KIF1B: variants seen among roughly 807,000 people sequenced by gnomAD.
KIF1B encodes kinesin family member 1B.
KIF1B carries 76 observed loss-of-function variants against 241.9 expected under a neutral mutation model. The observed-to-expected ratio is 0.31, with a 90% confidence interval of 0.26 to 0.38. KIF1B has a LOEUF of 0.38. Among genes scored for constraint, KIF1B ranks in the 10% least tolerant of loss-of-function variants. KIF1B has a pLI of 1.00. For missense variants in KIF1B, 1,622 were observed against 2,271.4 expected, an observed-to-expected ratio of 0.71 and a Z score of 5.81; for synonymous variants, 750 against 796.7, an observed-to-expected ratio of 0.94 and a Z score of 0.99.
At chr1:10,320,362 A>G (rs1651472237) in intron 23 of KIF1B, among the ~76,000 whole-genome samples, 1 of 152,042 alleles carries the variant, frequency 6.6e-6, no homozygotes, top group African/African-American at 2.4e-5. Flanking sequence ...AGACCTTCGC[A>G]CGGTTTCTGA....
intron 45 of KIF1B, among the ~76,000 whole-genome samples, chr1:10,371,854 A>G (rs1638741684): frequency 1.3e-5 from 2 of 151,960 alleles, no homozygotes; most frequent in Non-Finnish European, 2.9e-5. Context: ...GATCGCTTGA[A>G]TCCAGGAGTT....
At chr1:10,315,807 G>T (rs1299844192) in intron 22 of KIF1B, among the ~76,000 whole-genome samples, 2 of 151,400 alleles carry the variant, frequency 1.3e-5, no homozygotes, top group South Asian at 2.1e-4. Flanking sequence ...TCTAATCCCA[G>T]CGCTTTGGGA....
At chr1:10,258,366 T>C (rs1353090104) in intron 3 of KIF1B, 127 bp from the exon 4 acceptor site, 36 of 958,588 alleles carry the variant, frequency 3.8e-5, no homozygotes, top group Non-Finnish European at 5.3e-5. Flanking sequence ...ATAGGAGGCT[T>C]AAAAAATGTG....
rs1649570032 is a variant in KIF1B at position 10,284,110 on chromosome 1, AC to A, written c.1434+1578del. On this transcript the variant is annotated intron_variant, in intron 15 of 48. Transcript: ENST00000676179. ...CAGTGTGGGCCGGGCATGGTGGCTC[AC>A]ACCTGTAAACCCAGTACTTTGGGAG... Among the ~76,000 whole-genome samples the A allele has an allele frequency of 6.6e-5, 10 of 152,150 alleles. No individual in the cohort carries two copies. In the South Asian group the frequency reaches 1.9e-3, roughly 28 times the overall value.
intron 15 of KIF1B, among the ~76,000 whole-genome samples, chr1:10,284,200 C>G (rs1387670482): frequency 6.6e-6 from 1 of 151,918 alleles, no homozygotes; most frequent in African/African-American, 2.4e-5. Context: ...GATTGTACTG[C>G]TGCACTCCAG....
chr1:10,316,541 C>A (rs1402730420), intron 22 of KIF1B, among the ~76,000 whole-genome samples: 1 of 151,568 alleles, frequency 6.6e-6, no homozygotes, highest in Admixed American at 6.6e-5. Context: ...TGCTCTGTAG[C>A]CCAGGCTGGA....
chr1:10,294,893 C>T (rs953225077), intron 17 of KIF1B, among the ~76,000 whole-genome samples, 193 bp from the exon 18 acceptor site: 2 of 152,072 alleles, frequency 1.3e-5, no homozygotes, highest in South Asian at 2.1e-4. Flanking sequence ...AAATAGAATG[C>T]ACTTGGTTCC....
At chr1:10,281,248 C>T (rs915851244) in intron 14 of KIF1B, among the ~76,000 whole-genome samples, 1 of 152,048 alleles carries the variant, frequency 6.6e-6, no homozygotes, top group East Asian at 1.9e-4. Flanking sequence ...ATTTTAGTTT[C>T]TCAGGTTTAA....
intron 45 of KIF1B, 58 bp downstream of exon 45, chr1:10,371,320 C>T (rs1638727107): frequency 5.7e-6 from 9 of 1,592,902 alleles, no homozygotes; most frequent in Non-Finnish European, 7.7e-6. Flanking sequence ...AAATGTCAAC[C>T]TTCCTCTAGC....
At position 10,337,224 on chromosome 1, in the gene KIF1B, G is replaced by A. The variant is rs1336373059; in HGVS notation, c.3259+21G>A. On this transcript the variant is annotated intron_variant, in intron 30 of 48. Transcript: ENST00000676179. This position sits in a 1 kb window ranked among gnomAD's most constrained non-coding sequence, Gnocchi z 4.0. ...CTTGGGTATGTAGACATAGTTTACT[G>A]TGCTTGGGGACATTTTCGACAAAGG... 6.2e-7 allele frequency: 1 copy of A among 1,614,008 alleles called. No homozygotes were observed. The highest frequency in any genetic ancestry group is 8.5e-7 in the Non-Finnish European group (1 of 1,180,018).
intron 2 of KIF1B, among the ~76,000 whole-genome samples, chr1:10,243,274 C>T (rs1016605267): frequency 6.6e-6 from 1 of 152,126 alleles, no homozygotes; most frequent in Non-Finnish European, 1.5e-5. Context: ...AAAAAATTAG[C>T]TGGGCCTAGT....
chr1:10,342,317 A>G (rs1652427227), intron 33 of KIF1B, 149 bp downstream of exon 33: 3 of 688,582 alleles, frequency 4.4e-6, no homozygotes, highest in South Asian at 1.6e-5. Flanking sequence ...CTTCACTATC[A>G]TCTTATAGCC....
At chr1:10,292,187 G>A in intron 17 of KIF1B, 65 bp downstream of exon 17, 1 of 1,240,408 alleles carries the variant, frequency 8.1e-7, no homozygotes, top group East Asian at 2.3e-5. Context: ...TGTTACTGGG[G>A]CACTTCATGT....
At chr1:10,338,790 A>G (rs1328932967) in intron 31 of KIF1B, among the ~76,000 whole-genome samples, 1 of 152,190 alleles carries the variant, frequency 6.6e-6, no homozygotes, top group Non-Finnish European at 1.5e-5. Context: ...AGCACTGTGA[A>G]TGAGTTCACC....
At chr1:10,297,148 A>ATTTTTT in intron 21 of KIF1B, 26 bp from the exon 22 acceptor site, 1 of 1,535,434 alleles carries the variant, frequency 6.5e-7, no homozygotes, top group Admixed American at 1.7e-5. Flanking sequence ...GCATTCTTGA[A>ATTTTTT]TTTTTTTTTT....
chr1:10,268,691 G>A (rs1230974737), intron 7 of KIF1B, among the ~76,000 whole-genome samples: 2 of 140,286 alleles, frequency 1.4e-5, no homozygotes, highest in African/African-American at 5.8e-5. Flanking sequence ...CAAATGATAT[G>A]TTTCATTCCT....
chr1:10,318,652 G>A (rs1163249402), intron 22 of KIF1B, among the ~76,000 whole-genome samples: 1 of 152,264 alleles, frequency 6.6e-6, no homozygotes, highest in Admixed American at 6.5e-5. Flanking sequence ...CCGGGAGGTG[G>A]ATGTTGCAGT....
intron 41 of KIF1B, among the ~76,000 whole-genome samples, chr1:10,364,223 GAGAC>G (rs776677005): frequency 0.011 from 316 of 28,100 alleles, 2 homozygotes; most frequent in Middle Eastern, 0.02. Context: ...TTTTTTTTTT[GAGAC>G]AGAGTCTCGC....
chr1:10,295,879 T>C, intron 19 of KIF1B, 113 bp downstream of exon 19: 1 of 948,468 alleles, frequency 1.1e-6, no homozygotes, highest in South Asian at 1.4e-5. Context: ...ACAATCTAAT[T>C]CTGAAAAATG....
Sources: allele counts gnomAD v4.1 joint callset (sites outside exome capture counted in the v4.1 genomes callset), GRCh38; gene constraint gnomAD v4.1.1; non-coding constraint Gnocchi (gnomAD v3.1); transcripts MANE v1.5; gene names NCBI Gene and HGNC (gene_info 2026-07-23, HGNC 2026-07-21).